The following NRXN1 variants were observed in gnomAD, a reference collection of about 807,000 sequenced individuals.
NRXN1 encodes neurexin 1.
A neutral mutation model predicts 150.9 loss-of-function variants in NRXN1; 39 were observed. That is an observed-to-expected ratio of 0.26 (90% confidence interval 0.20 to 0.34). The LOEUF (loss-of-function observed/expected upper bound fraction) is 0.34, where lower values mean the gene tolerates loss of function less well. NRXN1 is among the 10% of genes least tolerant of loss of function. NRXN1 has a pLI of 1.00. For synonymous variants in NRXN1, 924 were observed against 757.0 expected, an observed-to-expected ratio of 1.22 and a Z score of -3.62; for missense variants, 1,815 against 1,949.9, an observed-to-expected ratio of 0.93 and a Z score of 1.30.
intron 5 of NRXN1, among the ~76,000 whole-genome samples, chr2:50,909,009 A>AT (rs1684149635): frequency 6.6e-6 from 1 of 152,122 alleles, no homozygotes; most frequent in Non-Finnish European, 1.5e-5. Context: ...GTATTTTCTT[A>AT]TAGCAACAAA....
chr2:50,182,125 T>TTTA, intron 18 of NRXN1, among the ~76,000 whole-genome samples: 1 of 148,700 alleles, frequency 6.7e-6, no homozygotes, highest in South Asian at 2.1e-4. Flanking sequence ...TTTTTTTTTT[T>TTTA]ACTTTTAGAT....
intron 17 of NRXN1, among the ~76,000 whole-genome samples, chr2:50,403,058 TCCAGGCTGGGCACC>T (rs530455036): frequency 1.6e-3 from 239 of 152,228 alleles, no homozygotes; most frequent in Middle Eastern, 0.01. Flanking sequence ...CAAAAGGTAA[TCCAGGCTGGGCACC>T]CCAGGCATGG....
At chr2:50,122,204 C>A (rs191821563) in intron 18 of NRXN1, among the ~76,000 whole-genome samples, 18 of 152,210 alleles carry the variant, frequency 1.2e-4, no homozygotes, top group African/African-American at 4.3e-4. Flanking sequence ...AAGCATCTTT[C>A]TTCACTTATC....
At chr2:50,890,743 C>T (rs547086062) in intron 5 of NRXN1, among the ~76,000 whole-genome samples, 14 of 151,922 alleles carry the variant, frequency 9.2e-5, no homozygotes, top group African/African-American at 3.4e-4. Context: ...GAAACCTACA[C>T]TGAAAAATTC....
At chr2:50,799,100 T>C (rs1186975824) in intron 5 of NRXN1, among the ~76,000 whole-genome samples, 5 of 152,228 alleles carry the variant, frequency 3.3e-5, no homozygotes, top group African/African-American at 1.2e-4. Flanking sequence ...TCTATCTCAG[T>C]ATCCTCTTTC....
intron 5 of NRXN1, among the ~76,000 whole-genome samples, chr2:50,732,197 T>A (rs1012660273): frequency 1.3e-5 from 2 of 152,052 alleles, no homozygotes; most frequent in Non-Finnish European, 2.9e-5. Context: ...CATGTGCCTA[T>A]ACATATGAAA....
rs142003347 is a variant in NRXN1, at chr2:50,550,574, C to T, written c.1759+2013G>A. On this transcript the variant is annotated intron_variant, in intron 9 of 22. Transcript: ENST00000401669. ...TCATATGTACCAAATTAACTGCTAT[C>T]TCTGGCAGAGATAGGCTGGAGGAAG... is the stretch of plus-strand genomic sequence containing the variant. Among the ~76,000 whole-genome samples, 595 of 152,030 alleles carry T rather than the reference C, an allele frequency of 3.9e-3. 1 individual carries two copies. The highest frequency in any genetic ancestry group is 0.013 in the African/African-American group (537 of 41,450).
At chr2:50,099,599 AATT>A (rs1700728610) in intron 18 of NRXN1, among the ~76,000 whole-genome samples, 1 of 152,140 alleles carries the variant, frequency 6.6e-6, no homozygotes, top group South Asian at 2.1e-4. Context: ...TTATTGCTAC[AATT>A]ATTGTTGTTA....
chr2:50,388,436 C>T (rs1052924696), intron 17 of NRXN1, among the ~76,000 whole-genome samples: 7 of 152,140 alleles, frequency 4.6e-5, no homozygotes, highest in African/African-American at 1.7e-4. Context: ...GAATCCAGTA[C>T]ATGTGTACTG....
chr2:50,794,162 T>C (rs1706455034), intron 5 of NRXN1, among the ~76,000 whole-genome samples: 3 of 152,082 alleles, frequency 2.0e-5, no homozygotes, highest in African/African-American at 4.8e-5. Flanking sequence ...CCCTTTTTCA[T>C]AGGCATTTTT....
chr2:50,354,437 T>C (rs934354307), intron 17 of NRXN1, among the ~76,000 whole-genome samples: 3 of 151,478 alleles, frequency 2.0e-5, no homozygotes, highest in African/African-American at 7.3e-5. Context: ...AGGTTAATTG[T>C]AGGGTTGTTG....
intron 5 of NRXN1, among the ~76,000 whole-genome samples, chr2:50,811,821 T>C (rs187915362): frequency 8.7e-4 from 133 of 152,290 alleles, no homozygotes; most frequent in Non-Finnish European, 1.4e-3. Context: ...AATGAATAAA[T>C]TGATTTCTGC....
chr2:50,699,462 G>C (rs111705030), intron 5 of NRXN1, among the ~76,000 whole-genome samples: 19 of 152,216 alleles, frequency 1.2e-4, no homozygotes, highest in African/African-American at 4.6e-4. Flanking sequence ...TGGAGCAGGA[G>C]AGAAGTGGCA....
At position 50,347,208 on chromosome 2, in the gene NRXN1, G is replaced by C; in HGVS notation, c.3365-110238C>G. 7.4e-7 allele frequency: 1 copy of C among 1,344,218 alleles called. No homozygotes were observed. The highest frequency in any genetic ancestry group is 9.7e-7 in the Non-Finnish European group (1 of 1,025,812). 83.3% of individuals were successfully genotyped at this position (1,344,218 alleles called of 1,614,324 possible). A position where few individuals can be genotyped will look rare whatever the true frequency, so the allele number is the denominator to read the frequency against. On this transcript the variant is annotated intron_variant, in intron 17 of 22. Coordinates refer to ENST00000401669, the MANE Select transcript of NRXN1 (RefSeq NM_001330078.2). This position sits in a 1 kb window ranked among gnomAD's most constrained non-coding sequence, Gnocchi z 4.9. ...GGGCTTGTCCGGAAAGGCAGCCCCG[G>C]GAACAGCAAGCGCGGAGCGGGTGGC...
At chr2:50,277,209 C>T (rs778337219) in intron 17 of NRXN1, among the ~76,000 whole-genome samples, 78 of 152,166 alleles carry the variant, frequency 5.1e-4, no homozygotes, top group Non-Finnish European at 7.2e-4. Context: ...AGCCACAAAA[C>T]AACAGTCGCC....
At chr2:49,952,340 C>T (rs964611693) in intron 21 of NRXN1, among the ~76,000 whole-genome samples, 13 of 151,848 alleles carry the variant, frequency 8.6e-5, no homozygotes. Flanking sequence ...AAGAAATACA[C>T]ACAGACAGGA....
At chr2:50,959,190 G>C (rs540478207) in intron 2 of NRXN1, among the ~76,000 whole-genome samples, 43 of 152,168 alleles carry the variant, frequency 2.8e-4, no homozygotes, top group African/African-American at 9.4e-4. Flanking sequence ...CCTTTGGAAA[G>C]CAGTCTGGTA....
intron 17 of NRXN1, among the ~76,000 whole-genome samples, chr2:50,431,876 G>A (rs1205699259): frequency 2.0e-5 from 3 of 151,456 alleles, no homozygotes; most frequent in African/African-American, 7.3e-5. Flanking sequence ...TATCATTGCT[G>A]TTCCCAGCAC....
chr2:50,118,460 T>A (rs1703385556), intron 18 of NRXN1, among the ~76,000 whole-genome samples: 1 of 152,048 alleles, frequency 6.6e-6, no homozygotes, highest in African/African-American at 2.4e-5. Context: ...TTTCTTTTTT[T>A]TTTCTTTAGA....
Sources: gnomAD v4.1 joint callset for allele counts (sites outside exome capture counted in the v4.1 genomes callset) on GRCh38, gnomAD v4.1.1 for gene constraint, Gnocchi (gnomAD v3.1) non-coding constraint, MANE v1.5 for transcripts, NCBI Gene and HGNC (gene_info 2026-07-23, HGNC 2026-07-21) for gene names.